The following TENM2 variants were observed in gnomAD, a reference collection of about 807,000 sequenced individuals.
TENM2 encodes teneurin transmembrane protein 2.
Under a neutral mutation model 245.2 loss-of-function variants are expected in TENM2, and 52 were observed. That is an observed-to-expected ratio of 0.21 (90% CI 0.17 to 0.27). The LOEUF (loss-of-function observed/expected upper bound fraction) is 0.27. Among genes scored for constraint, TENM2 ranks in the 10% least tolerant of loss-of-function variants. The pLI, the probability that TENM2 is intolerant of heterozygous loss-of-function variation, is 1.00. For synonymous variants in TENM2, 1,363 were observed against 1,438.9 expected (o/e 0.95, Z 1.19); for missense variants, 3,046 against 3,666.8 (o/e 0.83, Z 4.37).
chr5:168,122,324 C>T (rs937122784), intron 10 of TENM2, among the ~76,000 whole-genome samples: 4 of 152,128 alleles, frequency 2.6e-5, no homozygotes, highest in African/African-American at 4.8e-5. Context: ...CTACAGGCAC[C>T]GGCCACCACG....
intron 2 of TENM2, among the ~76,000 whole-genome samples, chr5:167,444,696 A>C (rs1582064929): frequency 6.6e-6 from 1 of 152,320 alleles, no homozygotes; most frequent in East Asian, 1.9e-4. Flanking sequence ...GTAAGAGTTT[A>C]TGCTGAACCA....
the TENM2 span, among the ~76,000 whole-genome samples, chr5:167,252,795 C>A: frequency 2.0e-5 from 3 of 152,088 alleles, no homozygotes; most frequent in East Asian, 5.8e-4. Flanking sequence ...TGACTTTTAC[C>A]TTGAGATCAC....
At chr5:167,242,523 C>T in the TENM2 span, among the ~76,000 whole-genome samples, 1 of 152,080 alleles carries the variant, frequency 6.6e-6, no homozygotes, top group Admixed American at 6.6e-5. Flanking sequence ...CCTCTGCTGC[C>T]CCTAAGACAA....
the TENM2 span, among the ~76,000 whole-genome samples, chr5:166,998,913 AG>A: frequency 6.6e-6 from 1 of 151,950 alleles, no homozygotes; most frequent in African/African-American, 2.4e-5. Flanking sequence ...ATTAGGATGG[AG>A]GGGGTGAGGT....
At chr5:167,028,452 A>G in the TENM2 span, among the ~76,000 whole-genome samples, 3 of 152,118 alleles carry the variant, frequency 2.0e-5, no homozygotes, top group Non-Finnish European at 2.9e-5. Context: ...CCATGTTTTT[A>G]CCAGCAGTGT....
chr5:167,191,196 A>C, the TENM2 span, among the ~76,000 whole-genome samples: 1 of 152,104 alleles, frequency 6.6e-6, no homozygotes, highest in Non-Finnish European at 1.5e-5. Context: ...CCACATAATC[A>C]CACACATATA....
At chr5:167,887,461 T>C (rs980688346) in intron 3 of TENM2, among the ~76,000 whole-genome samples, 2 of 152,224 alleles carry the variant, frequency 1.3e-5, no homozygotes, top group African/African-American at 4.8e-5. Context: ...TGCAGGTCAC[T>C]GTAACATTTT....
chr5:167,638,451 G>A lies in TENM2; in HGVS notation c.503-237535G>A, dbSNP rs140627455. Among the ~76,000 whole-genome samples the A allele has an allele frequency of 2.8e-3, 423 of 152,190 alleles. 7 individuals carry two copies. The highest frequency in any genetic ancestry group is 0.02 in the Admixed American group (308 of 15,284). ...GCACAGTATTAATTTTCTGATTGAT[G>A]GTGAGTAAGAGAAAACTACTGGGCT... On this transcript the variant is annotated intron_variant, in intron 2 of 28. Transcript: ENST00000518659.
chr5:167,515,433 T>G (rs905661200), intron 2 of TENM2, among the ~76,000 whole-genome samples: 1 of 151,702 alleles, frequency 6.6e-6, no homozygotes, highest in Non-Finnish European at 1.5e-5. Context: ...AATTTTTAAA[T>G]GAAAAGACAC....
At chr5:167,285,027 C>G in exon 1 of TENM2, 1 of 1,552,162 alleles carries the variant, frequency 6.4e-7, no homozygotes. Flanking sequence ...AGTCACAGAC[C>G]TCATCCACCG....
chr5:167,853,619 G>T (rs1449753398), intron 2 of TENM2, among the ~76,000 whole-genome samples: 1 of 152,042 alleles, frequency 6.6e-6, no homozygotes, highest in Non-Finnish European at 1.5e-5. Context: ...ACAAGACTTG[G>T]CATATTTTAC....
chr5:167,666,847 C>T (rs557112146), intron 2 of TENM2, among the ~76,000 whole-genome samples: 1 of 152,236 alleles, frequency 6.6e-6, no homozygotes, highest in Non-Finnish European at 1.5e-5. Flanking sequence ...CTGGATACTT[C>T]CTTAATTTGG....
chr5:167,645,165 C>A, intron 2 of TENM2, among the ~76,000 whole-genome samples: 1 of 152,162 alleles, frequency 6.6e-6, no homozygotes. Flanking sequence ...CATGACTGTA[C>A]ACTAACAAGT....
chr5:167,637,070 A>C (rs1779249419), intron 2 of TENM2, among the ~76,000 whole-genome samples: 1 of 152,160 alleles, frequency 6.6e-6, no homozygotes, highest in Admixed American at 6.5e-5. Flanking sequence ...GATATGGGGG[A>C]AACAAAATCA....
intron 2 of TENM2, among the ~76,000 whole-genome samples, chr5:167,760,372 C>T (rs1340408972): frequency 1.3e-5 from 2 of 152,156 alleles, no homozygotes; most frequent in African/African-American, 2.4e-5. Context: ...GAATTTAATA[C>T]ACTGTTGGAA....
intron 1 of TENM2, among the ~76,000 whole-genome samples, chr5:167,298,369 C>T (rs896142529): frequency 3.2e-4 from 49 of 152,200 alleles, no homozygotes; most frequent in African/African-American, 1.0e-3. Context: ...TTCGGGAGGC[C>T]GAGGGGGGCG....
chr5:168,035,914 G>C (rs558665001), intron 5 of TENM2, among the ~76,000 whole-genome samples: 2 of 152,314 alleles, frequency 1.3e-5, no homozygotes, highest in South Asian at 2.1e-4. Flanking sequence ...GTCCTGTAAA[G>C]CTTAAATGAA....
the TENM2 span, among the ~76,000 whole-genome samples, chr5:167,248,036 A>G: frequency 6.6e-6 from 1 of 152,286 alleles, no homozygotes; most frequent in African/African-American, 2.4e-5. Context: ...TGTCTAAAAG[A>G]AAACATAGCA....
At chr5:168,067,599 ACT>A (rs1203970553) in intron 7 of TENM2, among the ~76,000 whole-genome samples, 5 of 152,010 alleles carry the variant, frequency 3.3e-5, no homozygotes, top group African/African-American at 1.2e-4. Flanking sequence ...TTGAAAATGA[ACT>A]CTGTCTTTCC....
Sources: gnomAD v4.1 joint callset for allele counts (sites outside exome capture counted in the v4.1 genomes callset) on GRCh38, gnomAD v4.1.1 for gene constraint, MANE v1.5 for transcripts, NCBI Gene and HGNC (gene_info 2026-07-23, HGNC 2026-07-21) for gene names.